The following MS4A4A variants were observed in gnomAD, a reference collection of about 807,000 sequenced individuals.
MS4A4A encodes the protein membrane-spanning 4-domains subfamily A member 4A.
In MS4A4A, 26 loss-of-function variants were observed where a neutral mutation model predicts 28.0. The observed-to-expected ratio is 0.93, with a 90% confidence interval of 0.68 to 1.29. The LOEUF (loss-of-function observed/expected upper bound fraction) is 1.29. Ranked by LOEUF, MS4A4A falls within the 50% of genes most tolerant of loss-of-function variation. The pLI is 0.00. For synonymous variants in MS4A4A, 86 were observed against 100.8 expected (o/e 0.85, Z 0.88); for missense variants, 290 against 293.1 (o/e 0.99, Z 0.08).
chr11:60,303,821 G>A (rs1003929362), intron 5 of MS4A4A, among the ~76,000 whole-genome samples: 6 of 152,188 alleles, frequency 3.9e-5, no homozygotes, highest in African/African-American at 1.2e-4. Context: ...TCCTTACCAC[G>A]TTCTTCGCTT....
intron 4 of MS4A4A, among the ~76,000 whole-genome samples, chr11:60,302,085 A>G (rs2084957388): frequency 6.6e-6 from 1 of 152,128 alleles, no homozygotes. Context: ...CCAGTCAGCA[A>G]TTTTAGTTCT....
chr11:60,296,412 A>T (rs2084905767), intron 2 of MS4A4A, among the ~76,000 whole-genome samples: 1 of 152,034 alleles, frequency 6.6e-6, no homozygotes, highest in East Asian at 1.9e-4. Context: ...ATATATTTTT[A>T]AAAACTGCTT....
intron 1 of MS4A4A, among the ~76,000 whole-genome samples, chr11:60,284,909 TC>T (rs1178145852): frequency 6.6e-6 from 1 of 152,228 alleles, no homozygotes; most frequent in African/African-American, 2.4e-5. Flanking sequence ...TTAAAGTCAT[TC>T]TAATAAAGCC....
At chr11:60,307,093 G>T (rs1027803965) in intron 6 of MS4A4A, among the ~76,000 whole-genome samples, 2 of 152,208 alleles carry the variant, frequency 1.3e-5, no homozygotes, top group African/African-American at 2.4e-5. Context: ...TGAGGAAATG[G>T]ATAGTAAAAC....
At chr11:60,287,822 G>T (rs1247261676) in intron 1 of MS4A4A, among the ~76,000 whole-genome samples, 2 of 152,150 alleles carry the variant, frequency 1.3e-5, no homozygotes, top group Non-Finnish European at 2.9e-5. Flanking sequence ...CAGTTCAAAA[G>T]AAATAACTAG....
At chr11:60,282,701 T>C (rs1412229858) in intron 1 of MS4A4A, 4 of 1,280,946 alleles carry the variant, frequency 3.1e-6, no homozygotes, top group Middle Eastern at 2.1e-4. Context: ...AAGTCAAATA[T>C]ACTTGGAGCT....
chr11:60,296,554 ACT>A (rs2084907335), intron 2 of MS4A4A, among the ~76,000 whole-genome samples: 1 of 151,844 alleles, frequency 6.6e-6, no homozygotes, highest in Non-Finnish European at 1.5e-5. Flanking sequence ...CTTAAGGTAG[ACT>A]CTCAGGAGAT....
At chr11:60,290,500 T>A (rs2084845519) in intron 1 of MS4A4A, among the ~76,000 whole-genome samples, 1 of 152,152 alleles carries the variant, frequency 6.6e-6, no homozygotes, top group South Asian at 2.1e-4. Context: ...GTGAAAAGAA[T>A]AAGAACATTG....
intron 4 of MS4A4A, among the ~76,000 whole-genome samples, chr11:60,302,227 A>C (rs762463561): frequency 6.6e-6 from 1 of 152,272 alleles, no homozygotes; most frequent in African/African-American, 2.4e-5. Context: ...ATAAGAAATC[A>C]GGCATCAGAA....
chr11:60,291,296 T>C (rs1166863339), intron 1 of MS4A4A, among the ~76,000 whole-genome samples: 2 of 152,182 alleles, frequency 1.3e-5, no homozygotes, highest in Non-Finnish European at 2.9e-5. Flanking sequence ...GTGCCAAGAA[T>C]ATGACTGAGA....
At chr11:60,285,120 G>A (rs929299415) in intron 1 of MS4A4A, among the ~76,000 whole-genome samples, 3 of 152,038 alleles carry the variant, frequency 2.0e-5, no homozygotes, top group Admixed American at 6.6e-5. Flanking sequence ...AGAACTCAAC[G>A]TAACAGAAAC....
intron 2 of MS4A4A, among the ~76,000 whole-genome samples, chr11:60,294,931 T>TCTTCTTCTC (rs1049948757): frequency 4.1e-5 from 6 of 147,268 alleles, no homozygotes; most frequent in Non-Finnish European, 3.0e-5. Context: ...TTCTTCTTCT[T>TCTTCTTCTC]CTTCTTCTTC....
intron 1 of MS4A4A, among the ~76,000 whole-genome samples, chr11:60,289,176 C>T (rs771048612): frequency 9.2e-5 from 14 of 152,192 alleles, no homozygotes; most frequent in Non-Finnish European, 2.1e-4. Context: ...GAAGGGGCAA[C>T]ACAGTAGCAG....
At chr11:60,299,613 C>T (rs1424773471) in intron 3 of MS4A4A, among the ~76,000 whole-genome samples, 3 of 152,162 alleles carry the variant, frequency 2.0e-5, no homozygotes, top group Non-Finnish European at 4.4e-5. Context: ...GCTGGAACTA[C>T]AGGCACCCGC....
chr11:60,305,971 C>T (rs1313942210), intron 5 of MS4A4A, 129 bp from the exon 6 acceptor site: 2 of 673,416 alleles, frequency 3.0e-6, no homozygotes, highest in Non-Finnish European at 5.1e-6. Context: ...AAGGGTATGG[C>T]TGCCATTGGG....
At chr11:60,282,524 G>C in intron 1 of MS4A4A, 1 of 1,216,010 alleles carries the variant, frequency 8.2e-7, no homozygotes, top group East Asian at 5.8e-5. Context: ...AGAGAAGATA[G>C]AGACTATAAA....
intron 1 of MS4A4A, among the ~76,000 whole-genome samples, chr11:60,288,664 A>C (rs1565143692): frequency 6.6e-6 from 1 of 152,134 alleles, no homozygotes; most frequent in Non-Finnish European, 1.5e-5. Flanking sequence ...AACTCTAGAC[A>C]CTGGGATGGT....
chr11:60,306,151 G>C lies in MS4A4A; in HGVS notation c.598G>C (p.Val200Leu), dbSNP rs1195206825. ...AAGTGTGCTGGAATTCTGCATTGCT[G>C]TGTCCCTCTCTGCCTTTGGATGTAA... ...LLSVLEFCIA[V>L]SLSAFGCKVL... is the part of the protein sequence containing the mutation. The change falls in exon 6 of 7, where the codon GTG (valine) becomes CTG (leucine). Residue 200 changes from valine (V) to leucine (L), a missense_variant. Transcript: ENST00000337908. 1.2e-6 allele frequency: 2 copies of C among 1,613,992 alleles called. No individual in the cohort carries two copies. The highest frequency in any genetic ancestry group is 1.3e-5 in the African/African-American group (1 of 74,938).
rs1305610686 is a variant in MS4A4A, at chr11:60,297,200, G to C, written c.205G>C (p.Val69Leu). The part of the protein sequence containing the change: ...LKGEPKVLGV[V>L]QILTALMSLS... ...TTGCTTTCTTCACCATTTTTAGGTT[G>C]TGCAGATTCTGACTGCCCTGATGAG... is the stretch of plus-strand genomic sequence containing the variant. The change falls in exon 3 of 7, where the codon GTG becomes CTG. Residue 69 changes from valine to leucine, a missense_variant. Physicochemically the swap from Val to Leu is conservative, Grantham distance 32. Transcript: ENST00000337908. 1 of 1,612,998 alleles carries C rather than the reference G, an allele frequency of 6.2e-7. No homozygotes were observed. Among genetic ancestry groups the C allele is most frequent in the Non-Finnish European group, 8.5e-7 (1 of 1,179,378 alleles).
Sources: gnomAD v4.1 joint callset for allele counts (sites outside exome capture counted in the v4.1 genomes callset) on GRCh38, gnomAD v4.1.1 for gene constraint, MANE v1.5 for transcripts, NCBI Gene and HGNC (gene_info 2026-07-23, HGNC 2026-07-21) for gene names.